Variants in SERINC3 observed in about 807,000 individuals in gnomAD.
SERINC3 encodes the protein serine incorporator 3.
SERINC3 carries 22 observed loss-of-function variants against 52.1 expected under a neutral mutation model. The observed-to-expected ratio is 0.42, with a 90% confidence interval of 0.30 to 0.60. The LOEUF (loss-of-function observed/expected upper bound fraction) is 0.60. Ranked by LOEUF, SERINC3 falls within the 20% of genes least tolerant of loss-of-function variation. The probability of loss-of-function intolerance (pLI) is 0.16; values close to 1 mark genes in which losing one functional copy is unlikely to be tolerated. For missense variants in SERINC3, 564 were observed against 584.6 expected (o/e 0.96, Z 0.36); for synonymous variants, 226 against 212.7 (o/e 1.06, Z -0.54).
chr20:44,509,597 T>C (rs1005369830), intron 5 of SERINC3, among the ~76,000 whole-genome samples: 1 of 152,182 alleles, frequency 6.6e-6, no homozygotes, highest in Non-Finnish European at 1.5e-5. Context: ...GGCATGATGA[T>C]AGCTTACTGC....
intron 4 of SERINC3, among the ~76,000 whole-genome samples, chr20:44,510,917 T>A (rs542395419): frequency 6.6e-6 from 1 of 152,072 alleles, no homozygotes; most frequent in African/African-American, 2.4e-5. Context: ...GTAGTTTTGT[T>A]TTGTTTTGTT....
At chr20:44,501,536 C>T (rs539742404) in intron 8 of SERINC3, among the ~76,000 whole-genome samples, 9 of 152,354 alleles carry the variant, frequency 5.9e-5, no homozygotes, top group African/African-American at 1.7e-4. Context: ...ATAAAACACA[C>T]TATGCTCTCT....
At chr20:44,508,768 T>C (rs1176873413) in intron 5 of SERINC3, among the ~76,000 whole-genome samples, 1 of 152,174 alleles carries the variant, frequency 6.6e-6, no homozygotes, top group African/African-American at 2.4e-5. Flanking sequence ...CAACATACAG[T>C]ACAATCCTGT....
chr20:44,510,123 A>AATGTCTTTACCACCTCT, intron 4 of SERINC3, 95 bp from the exon 5 acceptor site: 1 of 1,202,826 alleles, frequency 8.3e-7, no homozygotes, highest in Non-Finnish European at 1.2e-6. Flanking sequence ...AACAAGACAG[A>AATGTCTTTACCACCTCT]GGTGGTAAAG....
intron 7 of SERINC3, among the ~76,000 whole-genome samples, chr20:44,504,427 T>C (rs1489482613): frequency 2.6e-5 from 4 of 152,192 alleles, no homozygotes; most frequent in Admixed American, 1.3e-4. Flanking sequence ...AACAATCCTA[T>C]AATAACTACA....
intron 5 of SERINC3, among the ~76,000 whole-genome samples, chr20:44,508,496 CA>C (rs901559714): frequency 3.6e-5 from 5 of 137,658 alleles, no homozygotes; most frequent in Non-Finnish European, 6.2e-5. Context: ...GACCCAATCT[CA>C]AAAAAAAAGA....
chr20:44,506,828 T>C lies in SERINC3; in HGVS notation c.782A>G (p.Gln261Arg). 1 of 1,565,788 alleles carries C rather than the reference T, an allele frequency of 6.4e-7. No individual in the cohort carries two copies. Reference protein sequence around the residue: ...ASIISIHPKIQEHQPRSGLLQ... With the variant: ...ASIISIHPKIREHQPRSGLLQ... ...GAAAGAAGTAGTAAACAATCATACC[T>C]GAATTTTTGGGTGGATCGATATAAT... Residue 261 changes from glutamine to arginine, a missense_variant and splice_region_variant, in exon 6 of 10, where the codon CAG becomes CGG. Gln to Arg is a conservative substitution (Grantham distance 43). Coordinates refer to ENST00000342374, the MANE Select transcript of SERINC3 (RefSeq NM_006811.4).
chr20:44,515,644 T>C (rs1050101749), intron 1 of SERINC3, among the ~76,000 whole-genome samples: 2 of 151,872 alleles, frequency 1.3e-5, no homozygotes, highest in Non-Finnish European at 2.9e-5. Context: ...TAAATGCCAC[T>C]ATACGCTTTT....
chr20:44,513,921 G>A lies in SERINC3; in HGVS notation c.159C>T (p.Ser53=), dbSNP rs11559233. ...AFILLLSTVV[S]YIMQRKEMET... Reference sequence around the variant, plus strand: ...CCATCTCTTTTCTCTGCATGATATAGGATACGACAGTGCTCAGGAGGAGAA... The same window carrying A: ...CCATCTCTTTTCTCTGCATGATATAAGATACGACAGTGCTCAGGAGGAGAA... The change falls in exon 2 of 10, where the codon TCC becomes TCT. Residue 53 remains serine, a synonymous_variant. Transcript: ENST00000342374. The A allele has an allele frequency of 1.9e-6, 3 of 1,614,004 alleles. No homozygotes were observed. Among genetic ancestry groups the A allele is most frequent in the Non-Finnish European group, 2.5e-6 (3 of 1,179,964 alleles).
At chr20:44,515,877 A>T (rs1484709391) in intron 1 of SERINC3, among the ~76,000 whole-genome samples, 1 of 151,866 alleles carries the variant, frequency 6.6e-6, no homozygotes, top group African/African-American at 2.4e-5. Flanking sequence ...GCTGGTCTTG[A>T]ATTCCTGAGC....
chr20:44,511,193 T>A, intron 4 of SERINC3, 96 bp downstream of exon 4: 1 of 854,740 alleles, frequency 1.2e-6, no homozygotes, highest in East Asian at 2.6e-5. Context: ...AGCTTACAGG[T>A]GTGAGCCACT....
chr20:44,504,879 G>C lies in SERINC3; in HGVS notation c.796C>G (p.Arg266Gly). ...IHPKIQEHQPRSGLLQSSLIT... is the reference protein window; with the variant it reads ...IHPKIQEHQPGSGLLQSSLIT... Reference sequence around the variant, plus strand: ...AGGGAGGACTGCAAGAGGCCGGAGCGAGGCTGGTGTTCCTATGGAATCAAA... The same window carrying C: ...AGGGAGGACTGCAAGAGGCCGGAGCCAGGCTGGTGTTCCTATGGAATCAAA... Residue 266 changes from arginine to glycine, a missense_variant, in exon 7 of 10, where the codon CGC becomes GGC. By Grantham distance (125) the Arg-to-Gly change is moderately radical (BLOSUM62 -2). Coordinates refer to ENST00000342374, the MANE Select transcript of SERINC3 (RefSeq NM_006811.4). 8 of 1,613,136 alleles carry C rather than the reference G, an allele frequency of 5.0e-6. No homozygotes were observed. Among genetic ancestry groups the C allele is most frequent in the Non-Finnish European group, 6.8e-6 (8 of 1,179,298 alleles).
At chr20:44,496,369 C>A (rs544957604), downstream of SERINC3, 3 of 152,342 alleles carry the variant, frequency 2.0e-5, no homozygotes, top group Admixed American at 1.3e-4. Flanking sequence ...GGTAACAGGA[C>A]GGACAGACCA....
intron 1 of SERINC3, among the ~76,000 whole-genome samples, chr20:44,518,229 G>C (rs968107085): frequency 1.3e-5 from 2 of 149,222 alleles, no homozygotes; most frequent in Non-Finnish European, 2.9e-5. Context: ...GGGAAGCCAA[G>C]GCAGGCAGAT....
rs375500316 is a variant in SERINC3, at chr20:44,511,282, A to C, written c.475+7T>G. The stretch of plus-strand genomic sequence containing the variant: ...TTAAAATTAACCCCCTCAATGGTGA[A>C]CCCTACCTGAGCTGAAATAGCCCCC... On this transcript the variant is annotated splice_region_variant and intron_variant, in intron 4 of 9. Coordinates refer to ENST00000342374, the MANE Select transcript of SERINC3 (RefSeq NM_006811.4). 7 of 1,584,084 alleles carry C rather than the reference A, an allele frequency of 4.4e-6. No homozygotes were observed. Among genetic ancestry groups the C allele is most frequent in the Non-Finnish European group, 6.1e-6 (7 of 1,152,956 alleles).
chr20:44,511,202 C>T lies in SERINC3; in HGVS notation c.475+87G>A, dbSNP rs2064345230. On this transcript the variant is annotated intron_variant, in intron 4 of 9. Transcript: ENST00000342374. ...GTGCTGAGCTTACAGGTGTGAGCCA[C>T]TGCACCCGGCCTAAAATGTAGCTTT... 4.1e-6 allele frequency: 4 copies of T among 977,006 alleles called. No individual in the cohort carries two copies. The Admixed American group carries it at 6.1e-5, about 15-fold the overall frequency. 60.5% of individuals were successfully genotyped at this position (977,006 alleles called of 1,614,324 possible). A position where few individuals can be genotyped will look rare whatever the true frequency, so the allele number is the denominator to read the frequency against.
At chr20:44,515,758 C>A (rs981370591) in intron 1 of SERINC3, among the ~76,000 whole-genome samples, 2 of 151,442 alleles carry the variant, frequency 1.3e-5, no homozygotes, top group Non-Finnish European at 2.9e-5. Context: ...TCAAGCAATT[C>A]TTGTGCTTTA....
chr20:44,515,821 T>G (rs1365446241), intron 1 of SERINC3, among the ~76,000 whole-genome samples: 1 of 151,742 alleles, frequency 6.6e-6, no homozygotes, highest in African/African-American at 2.4e-5. Flanking sequence ...CAGCTGATTT[T>G]TTTTTGTATT....
At chr20:44,511,433 T>C (rs1018204240) in intron 3 of SERINC3, 65 bp from the exon 4 acceptor site, 1 of 1,027,444 alleles carries the variant, frequency 9.7e-7, no homozygotes, top group African/African-American at 1.6e-5. Flanking sequence ...GAAAAATTCA[T>C]TTCTGAAATG....
Sources: gnomAD v4.1 joint callset for allele counts (sites outside exome capture counted in the v4.1 genomes callset) on GRCh38, gnomAD v4.1.1 for gene constraint, MANE v1.5 for transcripts, NCBI Gene and HGNC (gene_info 2026-07-23, HGNC 2026-07-21) for gene names.